SEC14L1: variants seen among roughly 807,000 people sequenced by gnomAD.
SEC14L1 encodes SEC14 like lipid binding 1, also known as SEC14-like protein 1.
SEC14L1 carries 48 observed loss-of-function variants against 85.3 expected under a neutral mutation model. The observed-to-expected ratio is 0.56, with a 90% CI of 0.45 to 0.72. The LOEUF is 0.72. Among genes scored for constraint, SEC14L1 ranks in the 30% least tolerant of loss-of-function variants. The pLI, the probability that SEC14L1 is intolerant of heterozygous loss-of-function variation, is 0.00. For synonymous variants in SEC14L1, 391 were observed against 355.5 expected, an observed-to-expected ratio of 1.10 and a Z score of -1.12; for missense variants, 682 against 921.4, an observed-to-expected ratio of 0.74 and a Z score of 3.36.
intron 3 of SEC14L1, among the ~76,000 whole-genome samples, chr17:77,170,536 A>G (rs1227174705): frequency 6.6e-6 from 1 of 152,188 alleles, no homozygotes; most frequent in Non-Finnish European, 1.5e-5. Context: ...GACCTGATAC[A>G]TAGTTTTTGA....
In SEC14L1 at chr17:77,200,476, C is replaced by G; in HGVS notation, c.820-8C>G. 6.2e-7 allele frequency: 1 copy of G among 1,610,504 alleles called. No individual in the cohort carries two copies. Among genetic ancestry groups the G allele is most frequent in the East Asian group, 2.2e-5 (1 of 44,838 alleles). The stretch of plus-strand genomic sequence containing the variant: ...ACATTGCTTAGAAATGTCTTTTTCT[C>G]TTAATAGATTCCAAAAGATGAGCAT... On this transcript the variant is annotated splice_region_variant and splice_polypyrimidine_tract_variant and intron_variant, in intron 8 of 16. Transcript: ENST00000436233.
intron 3 of SEC14L1, among the ~76,000 whole-genome samples, chr17:77,180,565 A>T (rs1380751654): frequency 6.6e-6 from 1 of 152,170 alleles, no homozygotes; most frequent in East Asian, 1.9e-4. Flanking sequence ...ATCTAAGCGC[A>T]GATTACCAGT....
At chr17:77,193,828 C>T (rs1975662436) in intron 6 of SEC14L1, among the ~76,000 whole-genome samples, 1 of 152,230 alleles carries the variant, frequency 6.6e-6, no homozygotes, top group Non-Finnish European at 1.5e-5. Flanking sequence ...AGCTGGCACA[C>T]AGCCCCCAGG....
At chr17:77,203,314 A>C (rs1392004208) in intron 9 of SEC14L1, among the ~76,000 whole-genome samples, 1 of 152,158 alleles carries the variant, frequency 6.6e-6, no homozygotes, top group Non-Finnish European at 1.5e-5. Context: ...TCATCCCGGC[A>C]CAGCCTTCTA....
intron 2 of SEC14L1, chr17:77,089,683 A>G: frequency 3.0e-6 from 1 of 331,810 alleles, no homozygotes; most frequent in Admixed American, 4.3e-5. Context: ...GGGAACTACA[A>G]CCCAGTTAGG....
intron 3 of SEC14L1, among the ~76,000 whole-genome samples, chr17:77,095,887 C>T (rs777606107): frequency 1.3e-5 from 2 of 151,946 alleles, no homozygotes; most frequent in African/African-American, 2.4e-5. Flanking sequence ...CAGTAATGGG[C>T]GCGCTCCTCC....
In SEC14L1 at chr17:77,110,677, G is replaced by C. The variant is rs185673512; in HGVS notation, c.-136+17330G>C. ...GGGTGGATCATGAGGTCAGGAGATTGAGACCATCCTGGCTAACAGGGTGAA... is the reference window on the plus strand; with the variant it reads ...GGGTGGATCATGAGGTCAGGAGATTCAGACCATCCTGGCTAACAGGGTGAA... On this transcript the variant is annotated intron_variant, in intron 3 of 19. Coordinates refer to the SEC14L1 transcript ENST00000392476. Among the ~76,000 whole-genome samples, 148 of 151,276 alleles carry C rather than the reference G, an allele frequency of 9.8e-4. 1 individual carries two copies. Among genetic ancestry groups the C allele is most frequent in the Non-Finnish European group, 2.5e-4 (17 of 67,838 alleles).
chr17:77,215,415 T>G lies in SEC14L1; in HGVS notation c.*1392T>G. 1 of 985,456 alleles carries G rather than the reference T, an allele frequency of 1.0e-6. No homozygotes were observed. The highest frequency in any genetic ancestry group is 1.7e-5 in the African/African-American group (1 of 57,292). The allele number at this position is 985,456 out of a possible 1,614,324, so 61.0% of individuals were successfully genotyped here. On this transcript the variant is annotated 3_prime_UTR_variant, in exon 17 of 17. Transcript: ENST00000436233. The stretch of plus-strand genomic sequence containing the variant: ...AAACCCCACGCGGCTGTCAACTGTG[T>G]GCGTGGTAGGCATGGAGATCCTGGT...
At chr17:77,178,228 C>A (rs1414834091) in intron 3 of SEC14L1, among the ~76,000 whole-genome samples, 1 of 152,084 alleles carries the variant, frequency 6.6e-6, no homozygotes, top group Non-Finnish European at 1.5e-5. Context: ...TGGTTCATAG[C>A]ACTCCCATCC....
intron 3 of SEC14L1, among the ~76,000 whole-genome samples, chr17:77,148,690 C>G (rs1973422359): frequency 6.6e-6 from 1 of 152,224 alleles, no homozygotes; most frequent in Admixed American, 6.5e-5. Flanking sequence ...CAGCGTAAGC[C>G]CCTCCCTTTG....
chr17:77,150,637 A>AG (rs1483485240), intron 3 of SEC14L1, among the ~76,000 whole-genome samples: 1 of 152,190 alleles, frequency 6.6e-6, no homozygotes, highest in Non-Finnish European at 1.5e-5. Flanking sequence ...GCCTCCGTGG[A>AG]GTGCGAAATG....
chr17:77,177,768 T>C (rs1033365311), intron 3 of SEC14L1, among the ~76,000 whole-genome samples: 1 of 152,240 alleles, frequency 6.6e-6, no homozygotes, highest in Non-Finnish European at 1.5e-5. Context: ...GTTTTTATTC[T>C]TGTTTTGTGC....
chr17:77,185,329 G>C, intron 3 of SEC14L1: 2 of 985,422 alleles, frequency 2.0e-6, no homozygotes, highest in Non-Finnish European at 2.4e-6. Context: ...CAGCTTCTGA[G>C]TTAGCTGCTC....
chr17:77,189,222 A>G (rs1005824041), intron 3 of SEC14L1, among the ~76,000 whole-genome samples: 1 of 152,174 alleles, frequency 6.6e-6, no homozygotes, highest in Non-Finnish European at 1.5e-5. Flanking sequence ...TTGTAGACAG[A>G]AAAGGGGTGA....
At chr17:77,113,253 G>T (rs547229554) in intron 3 of SEC14L1, among the ~76,000 whole-genome samples, 17 of 152,276 alleles carry the variant, frequency 1.1e-4, no homozygotes, top group Non-Finnish European at 2.2e-4. Context: ...CAGAGTATTG[G>T]TATTGCCAGT....
chr17:77,142,670 A>G lies in SEC14L1; in HGVS notation c.-111A>G, dbSNP rs1317643745. 1 of 150,346 alleles carries G rather than the reference A, an allele frequency of 6.7e-6. No individual in the cohort carries two copies. The highest frequency in any genetic ancestry group is 1.5e-5 in the Non-Finnish European group (1 of 67,732). The allele number at this position is 150,346 out of a possible 1,614,324, so 9.3% of individuals were successfully genotyped here. On this transcript the variant is annotated 5_prime_UTR_variant, in exon 2 of 17. It adds an upstream start codon to the 5' untranslated region. Coordinates refer to ENST00000436233, the MANE Select transcript of SEC14L1 (RefSeq NM_001143998.2). The stretch of plus-strand genomic sequence containing the variant: ...GCTAGACTTCGGGCTCCTTGAGGAT[A>G]TTCAGTTTTGTATGTTTGAATATCC...
intron 6 of SEC14L1, among the ~76,000 whole-genome samples, chr17:77,194,427 T>C (rs958625244): frequency 6.6e-6 from 1 of 151,974 alleles, no homozygotes; most frequent in Non-Finnish European, 1.5e-5. Context: ...AGGTGGCATA[T>C]ACCTGTAGTC....
intron 3 of SEC14L1, among the ~76,000 whole-genome samples, chr17:77,188,994 GT>G (rs547303167): frequency 0.016 from 2,174 of 140,030 alleles, 17 homozygotes; most frequent in Non-Finnish European, 0.021. Context: ...CTCTTGAGTT[GT>G]TTTTTTTTTT....
intron 3 of SEC14L1, among the ~76,000 whole-genome samples, chr17:77,158,178 G>A (rs1379685970): frequency 3.9e-5 from 6 of 152,180 alleles, no homozygotes; most frequent in African/African-American, 1.4e-4. Flanking sequence ...GTGAGCCATC[G>A]TGCCCGGCCT....
Sources: allele counts gnomAD v4.1 joint callset (sites outside exome capture counted in the v4.1 genomes callset), GRCh38; gene constraint gnomAD v4.1.1; transcripts MANE v1.5; gene names NCBI Gene and HGNC (gene_info 2026-07-23, HGNC 2026-07-21).